The following GARRE1 variants were observed in gnomAD, a reference collection of about 807,000 sequenced individuals.
GARRE1 encodes granule associated Rac and RHOG effector 1.
A neutral mutation model predicts 103.2 loss-of-function variants in GARRE1; 49 were observed. The observed-to-expected ratio is 0.47, with a 90% CI of 0.38 to 0.60. The LOEUF (loss-of-function observed/expected upper bound fraction) is 0.60, where lower values mean the gene tolerates loss of function less well. Ranked by LOEUF, GARRE1 falls within the 20% of genes least tolerant of loss-of-function variation. GARRE1 has a pLI of 0.00. For missense variants in GARRE1, 1,199 were observed against 1,370.5 expected, an observed-to-expected ratio of 0.87 and a Z score of 1.98; for synonymous variants, 505 against 532.8, an observed-to-expected ratio of 0.95 and a Z score of 0.72.
At chr19:34,287,544 A>G (rs1318730754) in intron 1 of GARRE1, among the ~76,000 whole-genome samples, 1 of 152,222 alleles carries the variant, frequency 6.6e-6, no homozygotes, top group East Asian at 1.9e-4. Flanking sequence ...GAGTGTTATG[A>G]CAACCCCACA....
chr19:34,331,822 C>T (rs139387323), intron 7 of GARRE1, among the ~76,000 whole-genome samples: 5 of 152,130 alleles, frequency 3.3e-5, no homozygotes, highest in Admixed American at 6.5e-5. Flanking sequence ...GGCGAAACCT[C>T]GTCTCTAAAA....
intron 3 of GARRE1, 91 bp from the exon 4 acceptor site, chr19:34,327,330 A>AG (rs1158985180): frequency 8.5e-7 from 1 of 1,174,134 alleles, no homozygotes; most frequent in African/African-American, 1.5e-5. Flanking sequence ...ATTTTACTTG[A>AG]GGGGGTTTTT....
At position 34,332,656 on chromosome 19, in the gene GARRE1, ACT is replaced by A. The variant is rs1475795350; in HGVS notation, c.1264-1045_1264-1044del. On this transcript the variant is annotated intron_variant, in intron 7 of 13. Coordinates refer to ENST00000299505, the MANE Select transcript of GARRE1 (RefSeq NM_014686.5). ...AGGTCATTGCAGATCAGCTATGGGAACTCTGTTTAAACCAGTGAAAGCTGGCT... is the reference window on the plus strand; with the variant it reads ...AGGTCATTGCAGATCAGCTATGGGAACTGTTTAAACCAGTGAAAGCTGGCT... Among the ~76,000 whole-genome samples the A allele has an allele frequency of 3.9e-5, 6 of 152,262 alleles. No individual in the cohort carries two copies. In the East Asian group the frequency reaches 1.2e-3, roughly 29 times the overall value.
chr19:34,291,528 T>TA (rs1319889662), intron 1 of GARRE1, among the ~76,000 whole-genome samples: 1 of 152,192 alleles, frequency 6.6e-6, no homozygotes. Flanking sequence ...AGGGCCTTCT[T>TA]ACTGCATCAC....
At chr19:34,266,784 C>T (rs2073754492) in intron 1 of GARRE1, among the ~76,000 whole-genome samples, 1 of 148,166 alleles carries the variant, frequency 6.7e-6, no homozygotes, top group Non-Finnish European at 1.5e-5. Context: ...GATTTTGAAT[C>T]TTAAGTTTAT....
chr19:34,255,307 T>C (rs1019702384), intron 1 of GARRE1, among the ~76,000 whole-genome samples: 1 of 152,246 alleles, frequency 6.6e-6, no homozygotes, highest in African/African-American at 2.4e-5. Flanking sequence ...GCGTGCCTGG[T>C]TGGCATGATA....
In GARRE1 at chr19:34,319,907, G is replaced by A. The variant is rs772139556; in HGVS notation, c.496G>A (p.Val166Met). Residue 166 changes from valine (V) to methionine (M), a missense_variant and splice_region_variant, in exon 3 of 14, where the codon GTG (valine) becomes ATG (methionine). By Grantham distance (21) the Val-to-Met change is conservative (BLOSUM62 1). Transcript: ENST00000299505. ...ATCCCTGGCTGTCTTGTTTTCACAGGTGTTGGGGCGATGTTTCCTGACTGT... is the reference window on the plus strand; with the variant it reads ...ATCCCTGGCTGTCTTGTTTTCACAGATGTTGGGGCGATGTTTCCTGACTGT... Reference protein sequence around the residue: ...QKEFSLQDIEVLGRCFLTVVQ... With the variant: ...QKEFSLQDIEMLGRCFLTVVQ... The A allele has an allele frequency of 6.2e-7, 1 of 1,614,140 alleles. No homozygotes were observed. Among genetic ancestry groups the A allele is most frequent in the Non-Finnish European group, 8.5e-7 (1 of 1,179,964 alleles).
intron 1 of GARRE1, among the ~76,000 whole-genome samples, chr19:34,281,554 G>A (rs1425611907): frequency 6.6e-6 from 1 of 152,140 alleles, no homozygotes; most frequent in African/African-American, 2.4e-5. Context: ...CTCCCAAAGT[G>A]CTAGGATTAC....
chr19:34,292,196 C>T (rs10403142), intron 1 of GARRE1, among the ~76,000 whole-genome samples: 2 of 151,644 alleles, frequency 1.3e-5, no homozygotes, highest in African/African-American at 4.8e-5. Flanking sequence ...ATTGCCTATT[C>T]TAGACATTTC....
chr19:34,310,286 A>G (rs2074030493), intron 2 of GARRE1, among the ~76,000 whole-genome samples: 1 of 152,210 alleles, frequency 6.6e-6, no homozygotes, highest in Non-Finnish European at 1.5e-5. Context: ...TCCTCTTTAC[A>G]AACCAGGAAC....
chr19:34,347,244 G>T (rs760810638), intron 10 of GARRE1, among the ~76,000 whole-genome samples: 1 of 151,880 alleles, frequency 6.6e-6, no homozygotes, highest in African/African-American at 2.4e-5. Context: ...GCCTGCCACC[G>T]AACCCAGCTA....
chr19:34,329,903 C>T (rs1291116533), intron 6 of GARRE1, among the ~76,000 whole-genome samples: 1 of 151,984 alleles, frequency 6.6e-6, no homozygotes, highest in Non-Finnish European at 1.5e-5. Flanking sequence ...CATAGCAAGA[C>T]TCCACGTCTA....
In GARRE1 at chr19:34,310,776, G is replaced by A. The variant is rs138854879; in HGVS notation, c.496-9131G>A. Among the ~76,000 whole-genome samples the A allele has an allele frequency of 7.3e-3, 1,109 of 152,196 alleles. 5 individuals carry two copies. The highest frequency in any genetic ancestry group is 0.014 in the African/African-American group (570 of 41,514). ...AAAATAGCCTGAAGTCTGTTGATTC[G>A]GCAAAACTTTCAACTGCTCCTCTCC... On this transcript the variant is annotated intron_variant, in intron 2 of 13. Transcript: ENST00000299505.
At position 34,351,529 on chromosome 19, in the gene GARRE1, A is replaced by G; in HGVS notation, c.2841A>G (p.Gly947=). ...GTTCTTGCAGGAAACACAGCAGTGG[A>G]GAGCAAGACACCAGCACGCTGCCCT... The part of the protein sequence containing the change: ...AVKQRRKHSS[G]EQDTSTLPSP... The change falls in exon 13 of 14, where the codon GGA becomes GGG. Residue 947 remains glycine, a synonymous_variant. Coordinates refer to ENST00000299505, the MANE Select transcript of GARRE1 (RefSeq NM_014686.5). 1 of 1,613,914 alleles carries G rather than the reference A, an allele frequency of 6.2e-7. No homozygotes were observed. The highest frequency in any genetic ancestry group is 8.5e-7 in the Non-Finnish European group (1 of 1,179,866).
rs139190498 is a variant in GARRE1 at position 34,341,816 on chromosome 19, C to T, written c.1882C>T (p.His628Tyr). ...CATGGAGAGGCGTGAGAACTTCCTG[C>T]ATGGAGATGACGGCAAGGATGAGAA... ...FLMERRENFLHGDDGKDEKGM... is the reference protein window; with the variant it reads ...FLMERRENFLYGDDGKDEKGM... The change falls in exon 10 of 14, where the codon CAT becomes TAT. Residue 628 changes from histidine to tyrosine, a missense_variant. Physicochemically the swap from His to Tyr is moderately conservative, Grantham distance 83 (BLOSUM62 2). Coordinates refer to ENST00000299505, the MANE Select transcript of GARRE1 (RefSeq NM_014686.5). The T allele has an allele frequency of 3.1e-6, 5 of 1,614,150 alleles. No individual in the cohort carries two copies. In the African/African-American group the frequency reaches 6.7e-5, roughly 22 times the overall value.
intron 1 of GARRE1, among the ~76,000 whole-genome samples, chr19:34,269,763 A>G (rs2073775315): frequency 6.6e-6 from 1 of 152,156 alleles, no homozygotes; most frequent in South Asian, 2.1e-4. Flanking sequence ...TGACTAGAAA[A>G]ATAGTTTAAT....
intron 9 of GARRE1, among the ~76,000 whole-genome samples, chr19:34,341,084 G>A (rs745853157): frequency 3.3e-5 from 5 of 152,080 alleles, no homozygotes; most frequent in Non-Finnish European, 7.3e-5. Context: ...CTGCATTTGC[G>A]TGGCTGTAGC....
At chr19:34,334,995 A>G (rs1248607585) in intron 8 of GARRE1, among the ~76,000 whole-genome samples, 1 of 152,002 alleles carries the variant, frequency 6.6e-6, no homozygotes, top group Admixed American at 6.6e-5. Context: ...GTGAGCCGAG[A>G]TCGTGCCACT....
chr19:34,261,053 G>A (rs980234337), intron 1 of GARRE1, among the ~76,000 whole-genome samples: 1 of 152,148 alleles, frequency 6.6e-6, no homozygotes, highest in African/African-American at 2.4e-5. Flanking sequence ...ACACAGATGG[G>A]CGTGTCCCTG....
Sources: allele counts gnomAD v4.1 joint callset (sites outside exome capture counted in the v4.1 genomes callset), GRCh38; gene constraint gnomAD v4.1.1; transcripts MANE v1.5; gene names NCBI Gene and HGNC (gene_info 2026-07-23, HGNC 2026-07-21).